VPS13B: variants seen among roughly 807,000 people sequenced by gnomAD.
VPS13B encodes the protein intermembrane lipid transfer protein VPS13B.
Under a neutral mutation model 426.4 loss-of-function variants are expected in VPS13B, and 285 were observed. The ratio of observed to expected loss-of-function variants is 0.67; its 90% CI spans 0.61 to 0.74. The LOEUF (loss-of-function observed/expected upper bound fraction) is 0.74. VPS13B is among the 30% of genes least tolerant of loss of function. The pLI is 0.00. For synonymous variants in VPS13B, 1,676 were observed against 1,676.4 expected, an observed-to-expected ratio of 1.00 and a Z score of 0.01; for missense variants, 4,537 against 4,782.6, an observed-to-expected ratio of 0.95 and a Z score of 1.51.
rs527633428 is a variant in VPS13B at position 99,625,867 on chromosome 8, C to CA, written c.5221-15936dup. Among the ~76,000 whole-genome samples, 10 of 151,616 alleles carry CA rather than the reference C, an allele frequency of 6.6e-5. No homozygotes were observed. The South Asian group carries it at 1.0e-3, about 16-fold the overall frequency. On this transcript the variant is annotated intron_variant, in intron 33 of 61. Coordinates refer to ENST00000357162, the MANE Select transcript of VPS13B (RefSeq NM_152564.5). ...AAAACAACAATAACAACAACAACAA[C>CA]AAAAAAAACCCAGCAACATTGACAA...
At chr8:99,210,456 G>T (rs994109676) in intron 17 of VPS13B, among the ~76,000 whole-genome samples, 8 of 151,938 alleles carry the variant, frequency 5.3e-5, no homozygotes, top group African/African-American at 1.9e-4. Context: ...TCGGATATCG[G>T]GTCATTTTTG....
chr8:99,570,757 A>G (rs759897069), intron 31 of VPS13B, among the ~76,000 whole-genome samples: 4 of 152,074 alleles, frequency 2.6e-5, no homozygotes, highest in Non-Finnish European at 4.4e-5. Context: ...CTTATCTTCA[A>G]TGATCTTTTT....
At chr8:99,122,097 GT>G (rs1563553322) in intron 8 of VPS13B, among the ~76,000 whole-genome samples, 2 of 150,924 alleles carry the variant, frequency 1.3e-5, no homozygotes, top group African/African-American at 4.9e-5. Flanking sequence ...AGGCTCAAGC[GT>G]TTTTCCCCCT....
chr8:99,478,664 G>T (rs1202219383), intron 24 of VPS13B, among the ~76,000 whole-genome samples: 2 of 151,638 alleles, frequency 1.3e-5, no homozygotes, highest in Non-Finnish European at 2.9e-5. Context: ...GGCCAGGCTG[G>T]TGTTGAACTC....
intron 21 of VPS13B, among the ~76,000 whole-genome samples, chr8:99,406,550 G>A (rs1009179153): frequency 4.6e-5 from 7 of 152,072 alleles, no homozygotes; most frequent in African/African-American, 7.2e-5. Context: ...ATTTCACTTC[G>A]TGTGCATAAT....
At chr8:99,730,804 C>A (rs1285704863) in intron 39 of VPS13B, among the ~76,000 whole-genome samples, 1 of 151,716 alleles carries the variant, frequency 6.6e-6, no homozygotes, top group East Asian at 2.0e-4. Flanking sequence ...GGTACAGGTA[C>A]CTCCTGAAGG....
intron 4 of VPS13B, among the ~76,000 whole-genome samples, chr8:99,100,617 T>C (rs1467540546): frequency 6.6e-6 from 1 of 152,094 alleles, no homozygotes; most frequent in African/African-American, 2.4e-5. Context: ...AGATGAACAA[T>C]CCATCAGTAG....
intron 23 of VPS13B, among the ~76,000 whole-genome samples, chr8:99,455,922 G>C (rs1818432414): frequency 6.6e-6 from 1 of 152,112 alleles, no homozygotes; most frequent in Non-Finnish European, 1.5e-5. Context: ...TGTACATTTA[G>C]GTACATGTAT....
intron 19 of VPS13B, among the ~76,000 whole-genome samples, chr8:99,358,013 C>CAT (rs926567069): frequency 3.3e-4 from 50 of 151,560 alleles, no homozygotes; most frequent in African/African-American, 1.2e-3. Context: ...CACACACACA[C>CAT]ACACACACAC....
At chr8:99,592,663 A>T (rs1222450677) in intron 33 of VPS13B, among the ~76,000 whole-genome samples, 1 of 152,166 alleles carries the variant, frequency 6.6e-6, no homozygotes, top group Non-Finnish European at 1.5e-5. Flanking sequence ...ACTTCAAACT[A>T]TGCTATAAGG....
intron 30 of VPS13B, among the ~76,000 whole-genome samples, chr8:99,533,025 C>T (rs1162606918): frequency 6.6e-6 from 1 of 150,626 alleles, no homozygotes; most frequent in Non-Finnish European, 1.5e-5. Flanking sequence ...CTGCAGCCTC[C>T]ACCTCCCGGG....
intron 35 of VPS13B, chr8:99,696,905 G>T: frequency 1.3e-6 from 1 of 753,854 alleles, no homozygotes; most frequent in South Asian, 1.4e-5. Flanking sequence ...CTCACCATGT[G>T]ACTGCGCTCC....
intron 17 of VPS13B, among the ~76,000 whole-genome samples, chr8:99,204,047 C>T (rs1364636134): frequency 6.6e-6 from 1 of 152,114 alleles, no homozygotes; most frequent in East Asian, 1.9e-4. Flanking sequence ...GCCTGTATAG[C>T]CAAGACAATC....
At chr8:99,286,076 A>G (rs1819426334) in intron 19 of VPS13B, among the ~76,000 whole-genome samples, 1 of 152,042 alleles carries the variant, frequency 6.6e-6, no homozygotes, top group Non-Finnish European at 1.5e-5. Flanking sequence ...AAGCACAACC[A>G]TAGCACTTTT....
intron 19 of VPS13B, among the ~76,000 whole-genome samples, chr8:99,285,122 A>G (rs1277254255): frequency 6.6e-6 from 1 of 152,168 alleles, no homozygotes; most frequent in Non-Finnish European, 1.5e-5. Context: ...CTCAAGGTAA[A>G]AATTTGCAAA....
intron 39 of VPS13B, among the ~76,000 whole-genome samples, chr8:99,766,224 T>G (rs992632171): frequency 6.6e-6 from 1 of 151,742 alleles, no homozygotes; most frequent in South Asian, 2.1e-4. Flanking sequence ...GGATTACAGG[T>G]GCACGCCACC....
At chr8:99,182,552 T>C (rs1213513751) in intron 16 of VPS13B, among the ~76,000 whole-genome samples, 1 of 152,202 alleles carries the variant, frequency 6.6e-6, no homozygotes, top group Non-Finnish European at 1.5e-5. Flanking sequence ...AATTGAAATC[T>C]GTTTGCTTTT....
In VPS13B at chr8:99,193,719, TTAAAA is replaced by T. The variant is rs375176476; in HGVS notation, c.2515+667_2515+671del. ...AGTAACATTATTTTTAATTTATCTG[TTAAAA>T]TAAAGCGACTTTTGTTCTTATATGA... On this transcript the variant is annotated intron_variant, in intron 17 of 61. Transcript: ENST00000357162. Among the ~76,000 whole-genome samples, 1,059 of 152,270 alleles carry T rather than the reference TTAAAA, an allele frequency of 7.0e-3. 16 individuals carry two copies. The highest frequency in any genetic ancestry group is 0.024 in the African/African-American group (1,007 of 41,564).
chr8:99,314,996 A>G (rs1821234823), intron 19 of VPS13B, among the ~76,000 whole-genome samples: 1 of 151,884 alleles, frequency 6.6e-6, no homozygotes. Flanking sequence ...TTCCATCTTT[A>G]TGTGTCTTTA....
Sources: gnomAD v4.1 joint callset for allele counts (sites outside exome capture counted in the v4.1 genomes callset) on GRCh38, gnomAD v4.1.1 for gene constraint, MANE v1.5 for transcripts, NCBI Gene and HGNC (gene_info 2026-07-23, HGNC 2026-07-21) for gene names.